Variants in ZER1 observed in about 807,000 individuals in gnomAD.
ZER1 encodes the protein zyg-11 related cell cycle regulator.
In ZER1, 11 loss-of-function variants were observed where a neutral mutation model predicts 78.8. The ratio of observed to expected loss-of-function variants is 0.14; its 90% confidence interval spans 0.09 to 0.23. The LOEUF is 0.23. Among genes scored for constraint, ZER1 ranks in the 10% least tolerant of loss-of-function variants. The probability of loss-of-function intolerance (pLI) is 1.00; values close to 1 mark genes in which losing one functional copy is unlikely to be tolerated. For synonymous variants in ZER1, 400 were observed against 407.0 expected (o/e 0.98, Z 0.21); for missense variants, 588 against 996.9 (o/e 0.59, Z 5.52).
At chr9:128,733,733 G>A (rs1268464411) in intron 14 of ZER1, among the ~76,000 whole-genome samples, 1 of 151,002 alleles carries the variant, frequency 6.6e-6, no homozygotes, top group Non-Finnish European at 1.5e-5. Context: ...GGAGGCAAGA[G>A]GTGACTCCTT....
At position 128,740,860 on chromosome 9, in the gene ZER1, T is replaced by G. The variant is rs1484773817; in HGVS notation, c.1765A>C (p.Arg589=). 1.3e-6 allele frequency: 1 copy of G among 781,102 alleles called. No homozygotes were observed. The highest frequency in any genetic ancestry group is 2.4e-6 in the Non-Finnish European group (1 of 418,124). The allele number at this position is 781,102 out of a possible 1,614,324, so 48.4% of individuals were successfully genotyped here. Residue 589 remains arginine (R), a synonymous_variant, in exon 12 of 16, where the codon AGG becomes CGG. Transcript: ENST00000291900. This position sits in a 1 kb window ranked among gnomAD's most constrained non-coding sequence, Gnocchi z 4.4. ...TTCCCCAAAAGTCCTAGCATATTCC[T>G]ATGCAGTTCCTGCTTCTCTGGGAAT... The part of the protein sequence containing the change: ...KEFPEKQELH[R]NMLGLLGNVA...
At chr9:128,746,428 C>T (rs1213061059) in intron 8 of ZER1, among the ~76,000 whole-genome samples, 3 of 150,026 alleles carry the variant, frequency 2.0e-5, no homozygotes, top group Non-Finnish European at 4.4e-5. Context: ...TGGGAGTCTC[C>T]AACTAGTCTT....
intron 1 of ZER1, among the ~76,000 whole-genome samples, chr9:128,763,388 T>C (rs1360210408): frequency 2.0e-5 from 3 of 152,172 alleles, no homozygotes; most frequent in Non-Finnish European, 4.4e-5. Flanking sequence ...GCTTTGATGA[T>C]TCAGCATCCT....
chr9:128,747,656 C>A (rs1156988397), intron 8 of ZER1, among the ~76,000 whole-genome samples: 1 of 152,216 alleles, frequency 6.6e-6, no homozygotes, highest in Non-Finnish European at 1.5e-5. Context: ...CTTCGTCACC[C>A]AGACTGGAGT....
chr9:128,757,290 G>A (rs1863887954), intron 1 of ZER1, among the ~76,000 whole-genome samples: 1 of 152,114 alleles, frequency 6.6e-6, no homozygotes, highest in African/African-American at 2.4e-5. Flanking sequence ...AGCCAGAGGT[G>A]GGCAAATTGC....
chr9:128,741,909 A>G (rs1293983385), intron 9 of ZER1, 68 bp from the exon 10 acceptor site: 1 of 1,602,596 alleles, frequency 6.2e-7, no homozygotes, highest in Admixed American at 1.7e-5. Context: ...CGAACCCAAG[A>G]TGGAGGGGAG....
intron 14 of ZER1, among the ~76,000 whole-genome samples, chr9:128,733,976 A>C (rs1862937292): frequency 8.1e-6 from 1 of 124,096 alleles, no homozygotes; most frequent in Non-Finnish European, 1.7e-5. Flanking sequence ...AAAAATACAA[A>C]AATTAGCCAG....
chr9:128,771,078 T>C (rs974570542), intron 1 of ZER1, among the ~76,000 whole-genome samples: 6 of 152,236 alleles, frequency 3.9e-5, no homozygotes, highest in Non-Finnish European at 5.9e-5. Flanking sequence ...TCTTGGGCTC[T>C]TTCGGTCAAA....
At chr9:128,733,247 T>C in intron 15 of ZER1, 179 bp downstream of exon 15, 1 of 530,928 alleles carries the variant, frequency 1.9e-6, no homozygotes, top group East Asian at 2.9e-5. Context: ...CCAGCCACAA[T>C]GTGGTCGAGA....
At position 128,771,614 on chromosome 9, in the gene ZER1, G is replaced by C. The variant is rs1864387603; in HGVS notation, c.-128C>G. 2 of 152,568 alleles carry C rather than the reference G, an allele frequency of 1.3e-5. No individual in the cohort carries two copies. Among genetic ancestry groups the C allele is most frequent in the Non-Finnish European group, 2.9e-5 (2 of 68,326 alleles). 9.5% of individuals were successfully genotyped at this position (152,568 alleles called of 1,614,324 possible). A position where few individuals can be genotyped will look rare whatever the true frequency, so the allele number is the denominator to read the frequency against. ...GGGCTGCCCTCAGCGTCGGGAAGCG[G>C]ACGTGATGCTTCGCAGGCGAGGAGG... On this transcript the variant is annotated 5_prime_UTR_variant, in exon 1 of 16. Coordinates refer to ENST00000291900, the MANE Select transcript of ZER1 (RefSeq NM_006336.4).
intron 10 of ZER1, 71 bp from the exon 11 acceptor site, chr9:128,741,725 A>G: frequency 3.1e-6 from 5 of 1,613,384 alleles, no homozygotes; most frequent in Non-Finnish European, 3.4e-6. Context: ...CAAAACACAG[A>G]CCTCCCCCAG....
intron 8 of ZER1, among the ~76,000 whole-genome samples, chr9:128,743,258 C>G (rs1043260662): frequency 6.6e-6 from 1 of 151,972 alleles, no homozygotes; most frequent in Non-Finnish European, 1.5e-5. Context: ...GCTGGGATTA[C>G]AGGCGTGCCA....
At chr9:128,733,813 T>C (rs1278756303) in intron 14 of ZER1, among the ~76,000 whole-genome samples, 1 of 146,058 alleles carries the variant, frequency 6.8e-6, no homozygotes, top group Admixed American at 6.9e-5. Flanking sequence ...TATATATATA[T>C]ATAAAATATA....
intron 8 of ZER1, among the ~76,000 whole-genome samples, chr9:128,744,358 AT>A (rs1863414464): frequency 6.7e-6 from 1 of 150,324 alleles, no homozygotes; most frequent in Non-Finnish European, 1.5e-5. Flanking sequence ...TGCCCAGCTA[AT>A]TTTTTTGTAT....
At chr9:128,765,802 C>G (rs546861144) in intron 1 of ZER1, among the ~76,000 whole-genome samples, 58 of 152,048 alleles carry the variant, frequency 3.8e-4, no homozygotes, top group Admixed American at 9.2e-4. Flanking sequence ...TCCAGGTGGT[C>G]GGGAAACAGG....
At chr9:128,733,652 G>C (rs1589512151) in intron 14 of ZER1, 124 bp from the exon 15 acceptor site, 1 of 821,046 alleles carries the variant, frequency 1.2e-6, no homozygotes, top group East Asian at 2.7e-5. Flanking sequence ...AGCCCTTGGT[G>C]GGGGCAGTGC....
intron 1 of ZER1, among the ~76,000 whole-genome samples, chr9:128,756,116 G>A (rs1863850076): frequency 1.3e-5 from 2 of 152,200 alleles, no homozygotes; most frequent in South Asian, 4.1e-4. Context: ...AAAAATGAAG[G>A]CTCCTTACAA....
chr9:128,769,082 G>A (rs971694425), intron 1 of ZER1, among the ~76,000 whole-genome samples: 33 of 152,096 alleles, frequency 2.2e-4, no homozygotes, highest in African/African-American at 7.0e-4. Context: ...CTCCGCTGCT[G>A]TCAGAAAAGC....
chr9:128,735,584 A>C (rs1441138992), intron 13 of ZER1, among the ~76,000 whole-genome samples, 153 bp from the exon 14 acceptor site: 1 of 152,044 alleles, frequency 6.6e-6, no homozygotes, highest in African/African-American at 2.4e-5. Context: ...CCTGCATCCC[A>C]CTGGCAGGCT....
Sources: allele counts gnomAD v4.1 joint callset (sites outside exome capture counted in the v4.1 genomes callset), GRCh38; gene constraint gnomAD v4.1.1; non-coding constraint Gnocchi (gnomAD v3.1); transcripts MANE v1.5; gene names NCBI Gene and HGNC (gene_info 2026-07-23, HGNC 2026-07-21).